Variants in CACNA1A observed in about 807,000 individuals in gnomAD.
CACNA1A encodes the protein voltage-dependent P/Q-type calcium channel subunit alpha-1A.
CACNA1A carries 57 observed loss-of-function variants against 262.4 expected under a neutral mutation model. The ratio of observed to expected loss-of-function variants is 0.22; its 90% CI spans 0.18 to 0.27. CACNA1A has a LOEUF of 0.27. Ranked by LOEUF, CACNA1A falls within the 10% of genes least tolerant of loss-of-function variation. CACNA1A has a pLI of 1.00. For synonymous variants in CACNA1A, 1,431 were observed against 1,419.3 expected (o/e 1.01, Z -0.18); for missense variants, 2,526 against 3,562.8 (o/e 0.71, Z 7.41).
chr19:13,393,492 TTTCC>T (rs755728556), intron 3 of CACNA1A, among the ~76,000 whole-genome samples: 5 of 120,250 alleles, frequency 4.2e-5, no homozygotes, highest in East Asian at 2.5e-4. Flanking sequence ...GCTGTTTTTT[TTTCC>T]TTCCTTCCTT....
At chr19:13,481,300 T>C (rs1340222915) in intron 1 of CACNA1A, among the ~76,000 whole-genome samples, 1 of 152,198 alleles carries the variant, frequency 6.6e-6, no homozygotes, top group Non-Finnish European at 1.5e-5. Flanking sequence ...GCTCTCATGA[T>C]AGGTGGACCT....
Position 13,311,071 on chromosome 19 carries a change from G to C in CACNA1A, c.1668+1598C>G, listed in dbSNP as rs192452978. Among the ~76,000 whole-genome samples the C allele has an allele frequency of 2.0e-5, 3 of 152,260 alleles. No homozygotes were observed. The East Asian group carries it at 5.8e-4, about 29-fold the overall frequency. On this transcript the variant is annotated intron_variant, in intron 12 of 46. Transcript: ENST00000360228. ...GCCTCTCAAAGTGCTGGGATTATAGGTGTGAGCCACTGTGCCTGGCCTACT... is the reference window on the plus strand; with the variant it reads ...GCCTCTCAAAGTGCTGGGATTATAGCTGTGAGCCACTGTGCCTGGCCTACT...
At chr19:13,452,253 C>T (rs1034552340) in intron 3 of CACNA1A, 3 of 152,158 alleles carry the variant, frequency 2.0e-5, no homozygotes, top group African/African-American at 7.2e-5. Context: ...TAGAGGAAAG[C>T]ATATACACAT....
intron 3 of CACNA1A, among the ~76,000 whole-genome samples, chr19:13,444,195 G>C (rs1198925935): frequency 6.6e-6 from 1 of 152,176 alleles, no homozygotes; most frequent in Non-Finnish European, 1.5e-5. Flanking sequence ...ATGACAAAAA[G>C]CATTTGTGTC....
At chr19:13,501,740 C>T (rs765561518) in intron 1 of CACNA1A, among the ~76,000 whole-genome samples, 1 of 152,176 alleles carries the variant, frequency 6.6e-6, no homozygotes, top group Non-Finnish European at 1.5e-5. Context: ...TCATCAAGCA[C>T]ATCTAACATT....
At chr19:13,341,938 A>G (rs1463063361) in intron 6 of CACNA1A, among the ~76,000 whole-genome samples, 5 of 152,138 alleles carry the variant, frequency 3.3e-5, no homozygotes, top group African/African-American at 9.7e-5. Context: ...TCGGTGCTCA[A>G]TAAGTGGTGT....
chr19:13,270,796 A>T (rs974380542), intron 24 of CACNA1A, among the ~76,000 whole-genome samples: 4 of 152,242 alleles, frequency 2.6e-5, no homozygotes, highest in Middle Eastern at 3.4e-3. Flanking sequence ...CTCCTCTCTC[A>T]TCCCTTCGGC....
At chr19:13,219,091 G>A (rs2055125749) in intron 38 of CACNA1A, among the ~76,000 whole-genome samples, 1 of 139,866 alleles carries the variant, frequency 7.1e-6, no homozygotes, top group Non-Finnish European at 1.5e-5. Context: ...GTCCAGCCTG[G>A]AGTGAAGTGG....
chr19:13,252,954 C>T (rs1286058230), intron 30 of CACNA1A, 37 bp downstream of exon 30: 1 of 1,405,632 alleles, frequency 7.1e-7, no homozygotes, highest in South Asian at 1.2e-5. Context: ...TTGGGCTTCT[C>T]CCAAGCCCAT....
At chr19:13,213,897 A>G (rs1017098352) in intron 40 of CACNA1A, 1 of 251,460 alleles carries the variant, frequency 4.0e-6, no homozygotes, top group Non-Finnish European at 7.8e-6. Context: ...TGTTGCCCAG[A>G]CTGGTCTCCC....
Position 13,417,082 on chromosome 19 carries a change from C to G in CACNA1A, c.539+35794G>C, listed in dbSNP as rs115931224. ...TGATGACCACCTCAAAGCTCACAGT[C>G]TTTCCAGAGAGACCGTCACCCTCTC... is the stretch of plus-strand genomic sequence containing the variant. On this transcript the variant is annotated intron_variant, in intron 3 of 46. Coordinates refer to ENST00000360228, the MANE Select transcript of CACNA1A (RefSeq NM_001127222.2). Among the ~76,000 whole-genome samples, 480 of 152,282 alleles carry G rather than the reference C, an allele frequency of 3.2e-3. 2 individuals carry two copies. Among genetic ancestry groups the G allele is most frequent in the African/African-American group, 0.011 (458 of 41,560 alleles).
At position 13,236,164 on chromosome 19, in the gene CACNA1A, C is replaced by A. The variant is rs888246685; in HGVS notation, c.4951-434G>T. On this transcript the variant is annotated intron_variant, in intron 31 of 46. Transcript: ENST00000360228. This position sits in a 1 kb window ranked among gnomAD's most constrained non-coding sequence, Gnocchi z 4.6. ...TGCACTGAGACGAAAGGACACAAGC[C>A]GGTCAAGTTGCGGAATCTATCATAC... Among the ~76,000 whole-genome samples, 1 of 145,762 alleles carries A rather than the reference C, an allele frequency of 6.9e-6. No individual in the cohort carries two copies. The highest frequency in any genetic ancestry group is 1.5e-5 in the Non-Finnish European group (1 of 67,360).
chr19:13,287,803 CTTT>C (rs34542703), intron 19 of CACNA1A, among the ~76,000 whole-genome samples: 4 of 133,456 alleles, frequency 3.0e-5, no homozygotes, highest in East Asian at 2.2e-4. Flanking sequence ...CACCTGGCCT[CTTT>C]TTTTTTTTTT....
intron 22 of CACNA1A, among the ~76,000 whole-genome samples, chr19:13,280,703 G>T (rs1000941992): frequency 2.6e-5 from 4 of 152,090 alleles, no homozygotes; most frequent in African/African-American, 9.7e-5. Flanking sequence ...CACTTTGGGA[G>T]GCCAAGGCGG....
intron 6 of CACNA1A, among the ~76,000 whole-genome samples, chr19:13,354,995 C>T (rs1426963832): frequency 6.6e-6 from 1 of 151,820 alleles, no homozygotes; most frequent in African/African-American, 2.4e-5. Context: ...CTGCCTCAGC[C>T]TCCCAAGTGG....
intron 3 of CACNA1A, among the ~76,000 whole-genome samples, chr19:13,415,136 G>A (rs2060198271): frequency 6.6e-6 from 1 of 151,970 alleles, no homozygotes; most frequent in Non-Finnish European, 1.5e-5. Context: ...GCTTAAAGGA[G>A]TCAGGGCAGA....
intron 3 of CACNA1A, among the ~76,000 whole-genome samples, chr19:13,413,688 G>A (rs896314547): frequency 6.8e-5 from 10 of 147,136 alleles, no homozygotes; most frequent in East Asian, 6.2e-4. Context: ...AGACCAGCCC[G>A]GCCAACATAG....
intron 44 of CACNA1A, among the ~76,000 whole-genome samples, chr19:13,210,015 C>G (rs1205469335): frequency 6.6e-6 from 1 of 151,842 alleles, no homozygotes; most frequent in African/African-American, 2.4e-5. Flanking sequence ...GCTAACGGGG[C>G]TGTGCTCGCT....
chr19:13,248,452 C>T (rs1377902879), intron 30 of CACNA1A, among the ~76,000 whole-genome samples: 2 of 148,098 alleles, frequency 1.4e-5, no homozygotes, highest in East Asian at 2.0e-4. Flanking sequence ...AGAGGGGAAG[C>T]TCAGTGCTGG....
Sources: gnomAD v4.1 joint callset for allele counts (sites outside exome capture counted in the v4.1 genomes callset) on GRCh38, gnomAD v4.1.1 for gene constraint, Gnocchi (gnomAD v3.1) non-coding constraint, MANE v1.5 for transcripts, NCBI Gene and HGNC (gene_info 2026-07-23, HGNC 2026-07-21) for gene names.